The following MAP4K3 variants were observed in gnomAD, a reference collection of about 807,000 sequenced individuals.
The protein encoded by MAP4K3 is MAPK/ERK kinase kinase kinase 3.
In MAP4K3, 94 loss-of-function variants were observed where a neutral mutation model predicts 143.5. That is an observed-to-expected ratio of 0.65 (90% CI 0.55 to 0.78). The LOEUF (loss-of-function observed/expected upper bound fraction) is 0.78. Ranked by LOEUF, MAP4K3 falls within the 30% of genes least tolerant of loss-of-function variation. The pLI is 0.00. For missense variants in MAP4K3, 1,077 were observed against 1,068.1 expected (o/e 1.01, Z -0.12); for synonymous variants, 416 against 347.2 (o/e 1.20, Z -2.20).
chr2:39,352,946 T>G (rs1665500908), intron 3 of MAP4K3, among the ~76,000 whole-genome samples: 1 of 152,188 alleles, frequency 6.6e-6, no homozygotes, highest in African/African-American at 2.4e-5. Flanking sequence ...ACAGTATATA[T>G]TTTACGGGGT....
intron 15 of MAP4K3, among the ~76,000 whole-genome samples, chr2:39,302,171 C>G (rs888366084): frequency 6.6e-6 from 1 of 151,922 alleles, no homozygotes; most frequent in African/African-American, 2.4e-5. Flanking sequence ...GAATAACATT[C>G]AGGCCAGGAA....
intron 3 of MAP4K3, among the ~76,000 whole-genome samples, chr2:39,345,735 C>T (rs564355386): frequency 3.3e-4 from 50 of 151,706 alleles, no homozygotes; most frequent in African/African-American, 1.1e-3. Context: ...CTGGCTAACA[C>T]GGTGAAACCA....
intron 1 of MAP4K3, among the ~76,000 whole-genome samples, chr2:39,392,884 G>A (rs913407758): frequency 6.6e-6 from 1 of 152,108 alleles, no homozygotes; most frequent in East Asian, 1.9e-4. Flanking sequence ...CCATGCTCTT[G>A]GACTTTCCAG....
At chr2:39,386,108 A>G (rs1053016500) in intron 1 of MAP4K3, among the ~76,000 whole-genome samples, 1 of 152,204 alleles carries the variant, frequency 6.6e-6, no homozygotes, top group Non-Finnish European at 1.5e-5. Context: ...TTAAGGTTAA[A>G]TAAGTTATAT....
intron 1 of MAP4K3, among the ~76,000 whole-genome samples, chr2:39,403,466 G>A (rs1667008183): frequency 6.6e-6 from 1 of 152,142 alleles, no homozygotes; most frequent in Admixed American, 6.5e-5. Flanking sequence ...GTGTGCTTGA[G>A]GGATGGAAAG....
chr2:39,405,560 C>A (rs1667071481), intron 1 of MAP4K3, among the ~76,000 whole-genome samples: 1 of 152,166 alleles, frequency 6.6e-6, no homozygotes, highest in Non-Finnish European at 1.5e-5. Context: ...AACATGACCT[C>A]ATCAAACAAA....
intron 3 of MAP4K3, among the ~76,000 whole-genome samples, chr2:39,355,635 G>C (rs1665590626): frequency 6.6e-6 from 1 of 152,150 alleles, no homozygotes; most frequent in African/African-American, 2.4e-5. Context: ...ACTCACAGCT[G>C]CATGTAGAAG....
chr2:39,337,494 A>C (rs1665001731), intron 5 of MAP4K3, 32 bp downstream of exon 5: 1 of 1,558,358 alleles, frequency 6.4e-7, no homozygotes. Flanking sequence ...GTTTAATGAA[A>C]AATGTTATTT....
At chr2:39,262,915 G>T (rs190490954) in intron 28 of MAP4K3, among the ~76,000 whole-genome samples, 1 of 152,158 alleles carries the variant, frequency 6.6e-6, no homozygotes, top group Admixed American at 6.5e-5. Flanking sequence ...GACCAGCCTA[G>T]CCAAGATGGT....
intron 22 of MAP4K3, among the ~76,000 whole-genome samples, chr2:39,281,568 G>C (rs1681527863): frequency 6.6e-6 from 1 of 151,938 alleles, no homozygotes; most frequent in Non-Finnish European, 1.5e-5. Context: ...ACAAAACGAA[G>C]AACAAAACAA....
At chr2:39,318,027 T>C (rs759394292) in intron 12 of MAP4K3, among the ~76,000 whole-genome samples, 1 of 151,944 alleles carries the variant, frequency 6.6e-6, no homozygotes, top group Non-Finnish European at 1.5e-5. Flanking sequence ...CCAACAACAG[T>C]AGACTGAATA....
intron 12 of MAP4K3, among the ~76,000 whole-genome samples, chr2:39,319,885 G>A (rs1331452896): frequency 1.3e-5 from 2 of 152,172 alleles, no homozygotes; most frequent in Non-Finnish European, 2.9e-5. Flanking sequence ...GAAAGCTAGT[G>A]TATTCAAACA....
Position 39,280,270 on chromosome 2 carries a change from A to G in MAP4K3, c.1714+2T>C. On this transcript the variant is annotated splice_donor_variant, in intron 23 of 33. Transcript: ENST00000263881. LOFTEE classifies it high-confidence loss of function. ...ATAACAGATAAAAACACACAATACT[A>G]CCTCTTGTATCTGGGTTTATCCATG... The G allele has an allele frequency of 6.5e-7, 1 of 1,538,974 alleles. No individual in the cohort carries two copies. The highest frequency in any genetic ancestry group is 8.8e-7 in the Non-Finnish European group (1 of 1,130,484).
At chr2:39,418,202 C>CAA (rs60060164) in intron 1 of MAP4K3, among the ~76,000 whole-genome samples, 2 of 113,060 alleles carry the variant, frequency 1.8e-5, no homozygotes, top group African/African-American at 6.5e-5. Context: ...GACTCCGTCT[C>CAA]AAAAAAAAAA....
intron 1 of MAP4K3, among the ~76,000 whole-genome samples, chr2:39,397,691 C>T (rs1666845655): frequency 6.6e-6 from 1 of 152,044 alleles, no homozygotes; most frequent in Admixed American, 6.6e-5. Flanking sequence ...AATGAGAAAA[C>T]AGCTCTAACA....
intron 14 of MAP4K3, among the ~76,000 whole-genome samples, chr2:39,309,169 G>C (rs896271474): frequency 1.3e-5 from 2 of 151,986 alleles, no homozygotes; most frequent in Non-Finnish European, 2.9e-5. Flanking sequence ...TTTCACCCAG[G>C]CTACAGTACA....
chr2:39,369,225 T>C (rs1222586407), intron 2 of MAP4K3, among the ~76,000 whole-genome samples: 2 of 150,926 alleles, frequency 1.3e-5, no homozygotes, highest in Non-Finnish European at 2.9e-5. Flanking sequence ...AGATGCAGTT[T>C]TGCTCTGTCA....
rs747293878 is a variant in MAP4K3 at position 39,369,193 on chromosome 2, G to GTTTTTTTGTTTGTTTTTTTTT, written c.154+8872_154+8873insAAAAAAAAACAAACAAAAAAA. ...GGGTAAAATCTAAACCTTTGGGCTA[G>GTTTTTTTGTTTGTTTTTTTTT]TTTTTTTTTTTGTTTTTTTTGAGAT... On this transcript the variant is annotated intron_variant, in intron 2 of 33. Coordinates refer to ENST00000263881, the MANE Select transcript of MAP4K3 (RefSeq NM_003618.4). 1.7e-3 allele frequency among the ~76,000 whole-genome samples: 63 copies of GTTTTTTTGTTTGTTTTTTTTT among 37,934 alleles called. 1 individual carries two copies. The highest frequency in any genetic ancestry group is 3.2e-3 in the Non-Finnish European group (45 of 13,978). The allele number at this position is 37,934 out of a possible 152,430, so 24.9% of individuals were successfully genotyped here.
chr2:39,396,618 C>T (rs1372178274), intron 1 of MAP4K3, among the ~76,000 whole-genome samples: 8 of 151,436 alleles, frequency 5.3e-5, no homozygotes, highest in South Asian at 4.2e-4. Context: ...GGACTACAGG[C>T]GCCCGCCACT....
Sources: gnomAD v4.1 joint callset for allele counts (sites outside exome capture counted in the v4.1 genomes callset) on GRCh38, gnomAD v4.1.1 for gene constraint, MANE v1.5 for transcripts, NCBI Gene and HGNC (gene_info 2026-07-23, HGNC 2026-07-21) for gene names.